Variants in KRT23 observed in about 807,000 individuals in gnomAD.
KRT23 encodes the protein keratin 23.
In KRT23, 38 loss-of-function variants were observed where a neutral mutation model predicts 47.6. That is an observed-to-expected ratio of 0.80 (90% CI 0.62 to 1.05). The LOEUF (loss-of-function observed/expected upper bound fraction) is 1.05, where lower values mean the gene tolerates loss of function less well. Among genes scored for constraint, KRT23 ranks in the 50% least tolerant of loss-of-function variants. The pLI, the probability that KRT23 is intolerant of heterozygous loss-of-function variation, is 0.00. For missense variants in KRT23, 503 were observed against 529.5 expected, an observed-to-expected ratio of 0.95 and a Z score of 0.49; for synonymous variants, 191 against 199.0, an observed-to-expected ratio of 0.96 and a Z score of 0.34.
At chr17:40,932,268 C>T (rs560252769) in intron 2 of KRT23, among the ~76,000 whole-genome samples, 10 of 151,968 alleles carry the variant, frequency 6.6e-5, no homozygotes, top group South Asian at 4.2e-4. Flanking sequence ...ACTAGATGTT[C>T]GTATAATTTT....
chr17:40,927,066 C>T (rs939652522), intron 6 of KRT23, among the ~76,000 whole-genome samples: 1 of 152,206 alleles, frequency 6.6e-6, no homozygotes, highest in Non-Finnish European at 1.5e-5. Context: ...CTCCTTACCT[C>T]TTTGCTCACT....
At chr17:40,930,125 C>G in intron 3 of KRT23, 29 bp from the exon 4 acceptor site, 3 of 1,596,404 alleles carry the variant, frequency 1.9e-6, no homozygotes, top group Non-Finnish European at 2.6e-6. Context: ...GAAGAGTGCA[C>G]TCATTGTTGG....
intron 4 of KRT23, among the ~76,000 whole-genome samples, chr17:40,929,150 G>A (rs1470602876): frequency 2.6e-5 from 4 of 151,940 alleles, no homozygotes; most frequent in East Asian, 3.9e-4. Context: ...AGTGTGCAAA[G>A]TCCTGTTCAG....
At position 40,932,034 on chromosome 17, in the gene KRT23, T is replaced by C. The variant is rs200441161; in HGVS notation, c.397-579A>G. On this transcript the variant is annotated intron_variant, in intron 2 of 8. Transcript: ENST00000209718. ...TCTAATCAGTGTTACTGAGCAACGC[T>C]AACACTAATATTCAATGTATTTTGT... is the stretch of plus-strand genomic sequence containing the variant. Among the ~76,000 whole-genome samples the C allele has an allele frequency of 6.6e-5, 10 of 152,376 alleles. No homozygotes were observed. The East Asian group carries it at 1.9e-3, about 29-fold the overall frequency.
chr17:40,930,263 T>C lies in KRT23; in HGVS notation c.480-167A>G, dbSNP rs1909564578. Among the ~76,000 whole-genome samples the C allele has an allele frequency of 2.6e-5, 4 of 152,288 alleles. No homozygotes were observed. In the South Asian group the frequency reaches 6.2e-4, roughly 24 times the overall value. Reference sequence around the variant, plus strand: ...GCCAGTTTCATGCTACACTTCTCCATGATGGTGACTCAATGTCAACTTTTA... The same window carrying C: ...GCCAGTTTCATGCTACACTTCTCCACGATGGTGACTCAATGTCAACTTTTA... On this transcript the variant is annotated intron_variant, in intron 3 of 8. Transcript: ENST00000209718.
chr17:40,928,572 AT>A lies in KRT23; in HGVS notation c.671del (p.Asn224MetfsTer4), dbSNP rs752162014. On this transcript the variant is annotated frameshift_variant, in exon 5 of 9. Coordinates refer to ENST00000209718, the MANE Select transcript of KRT23 (RefSeq NM_015515.5). LOFTEE classifies it high-confidence loss of function. ...MEKHHVPSDFNVNVKVDTGPR... is the reference protein window; with the variant it reads ...MEKHHVPSDFXVNVKVDTGPR... ...GACCTGTATCCACCTTCACATTGAC[AT>A]TGAAGTCACTTGGCACATGATGCTT... 1.2e-6 allele frequency: 2 copies of A among 1,613,822 alleles called. No individual in the cohort carries two copies. The highest frequency in any genetic ancestry group is 1.7e-6 in the Non-Finnish European group (2 of 1,179,954).
intron 4 of KRT23, chr17:40,929,658 G>A: frequency 2.9e-6 from 1 of 349,904 alleles, no homozygotes; most frequent in Non-Finnish European, 5.1e-6. Flanking sequence ...GATTCTTATA[G>A]TAACATTAAC....
intron 2 of KRT23, among the ~76,000 whole-genome samples, chr17:40,932,707 T>C (rs1468140643): frequency 6.6e-6 from 1 of 152,212 alleles, no homozygotes; most frequent in African/African-American, 2.4e-5. Flanking sequence ...ATTCCTTTAT[T>C]TAGAAAGCAT....
At chr17:40,924,831 A>G (rs935482497) in intron 7 of KRT23, among the ~76,000 whole-genome samples, 1 of 152,062 alleles carries the variant, frequency 6.6e-6, no homozygotes, top group African/African-American at 2.4e-5. Flanking sequence ...AGGCTGTTCA[A>G]AGTTTGGTCT....
At chr17:40,930,239 C>G (rs950552347) in intron 3 of KRT23, 143 bp from the exon 4 acceptor site, 1 of 662,928 alleles carries the variant, frequency 1.5e-6, no homozygotes, top group African/African-American at 1.8e-5. Flanking sequence ...CTTTTTTATG[C>G]CAGTTTCATG....
intron 2 of KRT23, among the ~76,000 whole-genome samples, chr17:40,933,609 A>G (rs1212047493): frequency 1.3e-5 from 2 of 152,222 alleles, no homozygotes; most frequent in Non-Finnish European, 2.9e-5. Flanking sequence ...TCCATTGCAA[A>G]GTCCACCTCA....
In KRT23 at chr17:40,923,030, A is replaced by T; in HGVS notation, c.1228T>A (p.Leu410Ile). Residue 410 changes from leucine (L) to isoleucine (I), a missense_variant, in exon 9 of 9, where the codon TTA becomes ATA. Leu to Ile is a conservative substitution (Grantham distance 5). Transcript: ENST00000209718. ...ATTTCATTCACTTGACAAAGAACTAATCTTCCGTTGATGGTCTCCTGGGTT... is the reference window on the plus strand; with the variant it reads ...ATTTCATTCACTTGACAAAGAACTATTCTTCCGTTGATGGTCTCCTGGGTT... ...AITQETINGRLVLCQVNEIQK... is the reference protein window; with the variant it reads ...AITQETINGRIVLCQVNEIQK... 1 of 1,614,038 alleles carries T rather than the reference A, an allele frequency of 6.2e-7. No individual in the cohort carries two copies. Among genetic ancestry groups the T allele is most frequent in the Non-Finnish European group, 8.5e-7 (1 of 1,179,938 alleles).
chr17:40,926,514 T>C (rs866251652), intron 6 of KRT23, among the ~76,000 whole-genome samples: 1 of 152,174 alleles, frequency 6.6e-6, no homozygotes, highest in Non-Finnish European at 1.5e-5. Context: ...CACTGCTCCC[T>C]ACATTGCTCC....
At chr17:40,928,941 C>T (rs183480622) in intron 4 of KRT23, among the ~76,000 whole-genome samples, 86 of 148,982 alleles carry the variant, frequency 5.8e-4, no homozygotes, top group African/African-American at 2.0e-3. Context: ...GCAGGAGAAT[C>T]GCTTGAACCT....
chr17:40,924,281 C>T (rs1909090554), intron 8 of KRT23, among the ~76,000 whole-genome samples, 191 bp downstream of exon 8: 1 of 152,086 alleles, frequency 6.6e-6, no homozygotes, highest in Admixed American at 6.5e-5. Context: ...CTTGCTTTTA[C>T]CTATATTGAG....
chr17:40,925,540 T>A lies in KRT23; in HGVS notation c.956A>T (p.Gln319Leu). The A allele has an allele frequency of 6.2e-7, 1 of 1,613,902 alleles. No individual in the cohort carries two copies. The highest frequency in any genetic ancestry group is 8.5e-7 in the Non-Finnish European group (1 of 1,179,770). ...SALENMLSET[Q>L]SRYSCKLQDM... ...CTGGAGCTTGCAGGAGTACCGAGAC[T>A]GGGTCTCGGATAACATGTTTTCCAA... Residue 319 changes from glutamine (Q) to leucine (L), a missense_variant, in exon 7 of 9, where the codon CAG (glutamine) becomes CTG (leucine). Gln to Leu is a moderately radical substitution (Grantham distance 113). Transcript: ENST00000209718.
At chr17:40,924,408 C>A in intron 8 of KRT23, 64 bp downstream of exon 8, 1 of 1,372,170 alleles carries the variant, frequency 7.3e-7, no homozygotes, top group Non-Finnish European at 1.0e-6. Flanking sequence ...ATGACTACTA[C>A]AAAATGGATA....
At position 40,936,500 on chromosome 17, in the gene KRT23, T is replaced by G. The variant is rs770244941; in HGVS notation, c.104A>C (p.His35Pro). 6.5e-7 allele frequency: 1 copy of G among 1,543,168 alleles called. No individual in the cohort carries two copies. Among genetic ancestry groups the G allele is most frequent in the Admixed American group, 2.0e-5 (1 of 49,418 alleles). The change falls in exon 2 of 9, where the codon CAT becomes CCT. Residue 35 changes from histidine (H) to proline (P), a missense_variant. By Grantham distance (77) the His-to-Pro change is moderately conservative (BLOSUM62 -2). Coordinates refer to ENST00000209718, the MANE Select transcript of KRT23 (RefSeq NM_015515.5). Reference protein sequence around the residue: ...PRSFPRAPTVHGGAGGARISL... With the variant: ...PRSFPRAPTVPGGAGGARISL... Reference sequence around the variant, plus strand: ...GATGCGGGCTCCCCCCGCACCGCCATGGACGGTGGGAGCCCTGGGGAAGCT... The same window carrying G: ...GATGCGGGCTCCCCCCGCACCGCCAGGGACGGTGGGAGCCCTGGGGAAGCT...
intron 3 of KRT23, among the ~76,000 whole-genome samples, chr17:40,930,399 T>C (rs948100959): frequency 6.6e-5 from 10 of 152,212 alleles, no homozygotes; most frequent in Non-Finnish European, 1.2e-4. Flanking sequence ...TGAAGTATTT[T>C]AAAGCAGATT....
Sources: gnomAD v4.1 joint callset for allele counts (sites outside exome capture counted in the v4.1 genomes callset) on GRCh38, gnomAD v4.1.1 for gene constraint, MANE v1.5 for transcripts, NCBI Gene and HGNC (gene_info 2026-07-23, HGNC 2026-07-21) for gene names.